The following TGFBRAP1 variants were observed in gnomAD, a reference collection of about 807,000 sequenced individuals.
TGFBRAP1 encodes the protein transforming growth factor-beta receptor-associated protein 1.
Under a neutral mutation model 83.2 loss-of-function variants are expected in TGFBRAP1, and 20 were observed. The ratio of observed to expected loss-of-function variants is 0.24; its 90% CI spans 0.17 to 0.35. The LOEUF (loss-of-function observed/expected upper bound fraction) is 0.35. Among genes scored for constraint, TGFBRAP1 ranks in the 10% least tolerant of loss-of-function variants. TGFBRAP1 has a pLI of 1.00. For synonymous variants in TGFBRAP1, 415 were observed against 459.8 expected (o/e 0.90, Z 1.25); for missense variants, 950 against 1,099.4 (o/e 0.86, Z 1.92).
In TGFBRAP1 at chr2:105,275,555, C is replaced by T. The variant is rs758625816; in HGVS notation, c.1665+5G>A. 3 of 1,613,446 alleles carry T rather than the reference C, an allele frequency of 1.9e-6. No individual in the cohort carries two copies. Among genetic ancestry groups the T allele is most frequent in the Non-Finnish European group, 2.5e-6 (3 of 1,179,894 alleles). The stretch of plus-strand genomic sequence containing the variant: ...AAAGAGAATGCATTTTTACGAAGCA[C>T]AAACCTCTTCACTTTTCTGCAGGAC... On this transcript the variant is annotated splice_donor_5th_base_variant and intron_variant, in intron 8 of 11. Transcript: ENST00000393359.
At position 105,269,137 on chromosome 2, in the gene TGFBRAP1, G is replaced by T; in HGVS notation, c.2406+135C>A. 8.7e-7 allele frequency: 1 copy of T among 1,147,662 alleles called. No individual in the cohort carries two copies. The highest frequency in any genetic ancestry group is 1.2e-6 in the Non-Finnish European group (1 of 838,592). The allele number at this position is 1,147,662 out of a possible 1,614,324, so 71.1% of individuals were successfully genotyped here. A position where few individuals can be genotyped will look rare whatever the true frequency, so the allele number is the denominator to read the frequency against. On this transcript the variant is annotated intron_variant, in intron 11 of 11. Coordinates refer to ENST00000393359, the MANE Select transcript of TGFBRAP1 (RefSeq NM_004257.6). This position sits in a 1 kb window ranked among gnomAD's most constrained non-coding sequence, Gnocchi z 4.1. ...CACAGACCTCAGTTTCTATGAGTAG[G>T]ATCAGATATTGATGTGTTGTAGTCA...
intron 2 of TGFBRAP1, among the ~76,000 whole-genome samples, chr2:105,301,611 T>C (rs1678298116): frequency 6.6e-6 from 1 of 152,012 alleles, no homozygotes; most frequent in South Asian, 2.1e-4. Flanking sequence ...ACCACACAGG[T>C]ACTAGAAGAA....
intron 2 of TGFBRAP1, among the ~76,000 whole-genome samples, chr2:105,306,460 GA>G (rs1678502916): frequency 6.6e-6 from 1 of 152,214 alleles, no homozygotes; most frequent in Admixed American, 6.5e-5. Flanking sequence ...GAGCCCCTGA[GA>G]AAAGGGAGGT....
chr2:105,302,323 T>C (rs1411468758), intron 2 of TGFBRAP1, among the ~76,000 whole-genome samples: 1 of 152,132 alleles, frequency 6.6e-6, no homozygotes, highest in African/African-American at 2.4e-5. Flanking sequence ...CTCTGCTATC[T>C]CATCTCTAGA....
At chr2:105,300,371 TTATTGAC>T (rs1033956843) in intron 2 of TGFBRAP1, among the ~76,000 whole-genome samples, 1 of 152,080 alleles carries the variant, frequency 6.6e-6, no homozygotes, top group Non-Finnish European at 1.5e-5. Flanking sequence ...ATCATAAAGA[TTATTGAC>T]TATTATTTCC....
chr2:105,318,254 G>C (rs1678946278), intron 1 of TGFBRAP1, among the ~76,000 whole-genome samples: 1 of 152,110 alleles, frequency 6.6e-6, no homozygotes, highest in African/African-American at 2.4e-5. Context: ...GAATGAACTA[G>C]AGCCGCCCAC....
chr2:105,274,705 C>G (rs1677278787), intron 8 of TGFBRAP1, among the ~76,000 whole-genome samples: 1 of 152,180 alleles, frequency 6.6e-6, no homozygotes, highest in African/African-American at 2.4e-5. Flanking sequence ...GATGGAGAAA[C>G]AAGTATGCAA....
chr2:105,270,557 T>TA, intron 10 of TGFBRAP1, among the ~76,000 whole-genome samples: 1 of 152,342 alleles, frequency 6.6e-6, no homozygotes, highest in South Asian at 2.1e-4. Context: ...TGTGAAGAAA[T>TA]ATTATGAGGA....
chr2:105,250,853 G>C, the TGFBRAP1 span, among the ~76,000 whole-genome samples: 5 of 152,214 alleles, frequency 3.3e-5, no homozygotes, highest in Admixed American at 2.0e-4. Context: ...ACGGGGTTTC[G>C]CCGTGTTGGC....
the TGFBRAP1 span, among the ~76,000 whole-genome samples, chr2:105,250,613 T>C: frequency 9.8e-6 from 1 of 101,960 alleles, no homozygotes; most frequent in African/African-American, 4.2e-5. Context: ...TCCCTCTCCC[T>C]CCTCTCCCTC....
chr2:105,320,540 T>A (rs1172151512), intron 1 of TGFBRAP1, among the ~76,000 whole-genome samples: 1 of 152,078 alleles, frequency 6.6e-6, no homozygotes, highest in African/African-American at 2.4e-5. Context: ...AAACACTAGG[T>A]CATTATCCTC....
intron 2 of TGFBRAP1, among the ~76,000 whole-genome samples, chr2:105,306,423 A>G (rs2104390895): frequency 6.6e-6 from 1 of 152,262 alleles, no homozygotes; most frequent in South Asian, 2.1e-4. Flanking sequence ...GTGGGTAGAT[A>G]GCTAGCTAGA....
intron 10 of TGFBRAP1, 47 bp downstream of exon 10, chr2:105,272,808 T>G (rs372234408): frequency 6.2e-7 from 1 of 1,600,990 alleles, no homozygotes; most frequent in East Asian, 2.2e-5. Context: ...CCCACCCGCT[T>G]GATATGAGTT....
chr2:105,298,749 T>C, intron 2 of TGFBRAP1, 44 bp from the exon 3 acceptor site: 1 of 1,512,290 alleles, frequency 6.6e-7, no homozygotes. Flanking sequence ...CAAATAAGCA[T>C]GGTGTCATTT....
At chr2:105,250,250 A>T in the TGFBRAP1 span, among the ~76,000 whole-genome samples, 2 of 152,174 alleles carry the variant, frequency 1.3e-5, no homozygotes, top group East Asian at 3.9e-4. Context: ...ATCCGAGGGC[A>T]CTGATATGCA....
At chr2:105,260,976 CATT>C (rs879373887), downstream of TGFBRAP1, among the ~76,000 whole-genome samples, 2 of 152,124 alleles carry the variant, frequency 1.3e-5, no homozygotes, top group African/African-American at 2.4e-5. Flanking sequence ...AGGTGTACAT[CATT>C]ATGTCTTGTA....
chr2:105,288,018 G>A lies in TGFBRAP1; in HGVS notation c.1039-3620C>T, dbSNP rs1028418953. ...CCTAGGCCAAATGTGATACAAAAAC[G>A]CATCAAGTGGTGAGGCGTGGATAAG... is the stretch of plus-strand genomic sequence containing the variant. On this transcript the variant is annotated intron_variant, in intron 4 of 11. Coordinates refer to ENST00000393359, the MANE Select transcript of TGFBRAP1 (RefSeq NM_004257.6). Among the ~76,000 whole-genome samples, 49 of 152,178 alleles carry A rather than the reference G, an allele frequency of 3.2e-4. 1 individual carries two copies. Among genetic ancestry groups the A allele is most frequent in the South Asian group, 6.2e-4 (3 of 4,816 alleles).
chr2:105,328,001 T>G (rs1455557252), intron 1 of TGFBRAP1, among the ~76,000 whole-genome samples: 1 of 152,220 alleles, frequency 6.6e-6, no homozygotes, highest in Admixed American at 6.5e-5. Flanking sequence ...TTTTCAGAGC[T>G]GAGGGAGACC....
At chr2:105,315,443 C>G (rs1408452617) in intron 1 of TGFBRAP1, among the ~76,000 whole-genome samples, 1 of 152,140 alleles carries the variant, frequency 6.6e-6, no homozygotes, top group African/African-American at 2.4e-5. Context: ...AAGCCCCAGA[C>G]TGGGAGAAAA....
Sources: gnomAD v4.1 joint callset for allele counts (sites outside exome capture counted in the v4.1 genomes callset) on GRCh38, gnomAD v4.1.1 for gene constraint, Gnocchi (gnomAD v3.1) non-coding constraint, MANE v1.5 for transcripts, NCBI Gene and HGNC (gene_info 2026-07-23, HGNC 2026-07-21) for gene names.